The following GTF3C1 variants were observed in gnomAD, a reference collection of about 807,000 sequenced individuals.
GTF3C1 encodes the protein general transcription factor IIIC subunit 1.
In GTF3C1, 57 loss-of-function variants were observed where a neutral mutation model predicts 226.7. That is an observed-to-expected ratio of 0.25 (90% CI 0.20 to 0.31). The LOEUF is 0.31. Among genes scored for constraint, GTF3C1 ranks in the 10% least tolerant of loss-of-function variants. The probability of loss-of-function intolerance (pLI) is 1.00; values close to 1 mark genes in which losing one functional copy is unlikely to be tolerated. For missense variants in GTF3C1, 2,217 were observed against 2,776.1 expected (o/e 0.80, Z 4.53); for synonymous variants, 1,090 against 1,084.8 (o/e 1.00, Z -0.09).
At chr16:27,534,011 AAAAC>A (rs902786362) in intron 4 of GTF3C1, among the ~76,000 whole-genome samples, 8 of 152,190 alleles carry the variant, frequency 5.3e-5, no homozygotes, top group African/African-American at 1.9e-4. Flanking sequence ...ATCTCAAAGA[AAAAC>A]AAAAAACAGA....
At chr16:27,534,549 T>C (rs2141449049) in intron 4 of GTF3C1, among the ~76,000 whole-genome samples, 1 of 152,362 alleles carries the variant, frequency 6.6e-6, no homozygotes, top group South Asian at 2.1e-4. Context: ...AGCCATTTAA[T>C]ACAAGAGGCA....
intron 2 of GTF3C1, among the ~76,000 whole-genome samples, chr16:27,541,039 C>G (rs1443273788): frequency 6.6e-6 from 1 of 152,100 alleles, no homozygotes; most frequent in African/African-American, 2.4e-5. Flanking sequence ...TGGGGTTTTG[C>G]CATCTTGGCC....
intron 21 of GTF3C1, 59 bp from the exon 22 acceptor site, chr16:27,488,694 C>A: frequency 7.1e-7 from 1 of 1,405,754 alleles, no homozygotes; most frequent in Non-Finnish European, 1.0e-6. Context: ...CCCAGCCGCC[C>A]AGAGTAACAA....
Position 27,495,308 on chromosome 16 carries a change from G to A in GTF3C1, c.2535C>T (p.Ser845=), listed in dbSNP as rs143734304. The change falls in exon 15 of 37, where the codon TCC becomes TCT. Residue 845 remains serine (S), a synonymous_variant. Coordinates refer to ENST00000356183, the MANE Select transcript of GTF3C1 (RefSeq NM_001520.4). ...AGCAGGCCTCCCAGGCACTTCCAGA[G>A]GAGGACGGCCGGACGCCTGCCCTGC... ...ESGRAGVRPS[S]SGSAWEACSE... is the part of the protein sequence containing the mutation. 4 of 1,613,720 alleles carry A rather than the reference G, an allele frequency of 2.5e-6. No homozygotes were observed. Among genetic ancestry groups the A allele is most frequent in the Non-Finnish European group, 3.4e-6 (4 of 1,179,620 alleles).
intron 6 of GTF3C1, among the ~76,000 whole-genome samples, chr16:27,519,721 G>GA (rs549134035): frequency 5.9e-5 from 9 of 151,566 alleles, no homozygotes; most frequent in Non-Finnish European, 1.2e-4. Flanking sequence ...GCAAACAAAA[G>GA]AAAAAAGAGA....
chr16:27,465,028 T>A (rs2087764545), intron 33 of GTF3C1, among the ~76,000 whole-genome samples, 192 bp from the exon 34 acceptor site: 1 of 152,186 alleles, frequency 6.6e-6, no homozygotes, highest in Non-Finnish European at 1.5e-5. Context: ...CAGCATCTCT[T>A]TCTCTCTGGC....
intron 23 of GTF3C1, among the ~76,000 whole-genome samples, chr16:27,487,181 A>G (rs1016509685): frequency 1.2e-4 from 19 of 152,244 alleles, no homozygotes; most frequent in African/African-American, 4.6e-4. Context: ...CAGGTTTTTA[A>G]GCCAAATTGG....
In GTF3C1 at chr16:27,545,508, AT is replaced by A; in HGVS notation, c.236del (p.Asp79ValfsTer24). 6.2e-7 allele frequency: 1 copy of A among 1,602,922 alleles called. No homozygotes were observed. The highest frequency in any genetic ancestry group is 8.5e-7 in the Non-Finnish European group (1 of 1,169,882). On this transcript the variant is annotated frameshift_variant, in exon 2 of 37. Coordinates refer to ENST00000356183, the MANE Select transcript of GTF3C1 (RefSeq NM_001520.4). LOFTEE classifies it high-confidence loss of function. ...LQLQDRYEEI[D>X]LETGILESRR... ...TAGACTCCAAAATTCCAGTTTCCAA[AT>A]CAATTTCTTCATACCTAAGGAGAAA...
chr16:27,466,874 A>G (rs1481695722), intron 32 of GTF3C1, among the ~76,000 whole-genome samples: 1 of 152,240 alleles, frequency 6.6e-6, no homozygotes, highest in African/African-American at 2.4e-5. Context: ...GAAAGGCCCT[A>G]ACTCTCTTCA....
Position 27,545,552 on chromosome 16 carries a change from C to T in GTF3C1, c.222-29G>A, listed in dbSNP as rs76339734. 1.5e-3 allele frequency: 1,933 copies of T among 1,279,164 alleles called. 24 individuals are homozygous for T. In the African/African-American group the frequency reaches 0.025, roughly 16 times the overall value. The allele number at this position is 1,279,164 out of a possible 1,614,324, so 79.2% of individuals were successfully genotyped here. A position where few individuals can be genotyped will look rare whatever the true frequency, so the allele number is the denominator to read the frequency against. On this transcript the variant is annotated intron_variant, in intron 1 of 36. Coordinates refer to ENST00000356183, the MANE Select transcript of GTF3C1 (RefSeq NM_001520.4). ...AGGAGAAAAACACAAATATCAAAGC[C>T]CAACTCAGCTTCAGATATAATGTGT...
chr16:27,489,667 C>A lies in GTF3C1; in HGVS notation c.3228G>T (p.Lys1076Asn). 6.2e-7 allele frequency: 1 copy of A among 1,611,620 alleles called. No individual in the cohort carries two copies. The highest frequency in any genetic ancestry group is 8.5e-7 in the Non-Finnish European group (1 of 1,179,136). Reference sequence around the variant, plus strand: ...GCTTGTCCATGGCGCTCTCCTGCTCCTTCTGCAGGCTGCCCTCCTCGTCGC... The same window carrying A: ...GCTTGTCCATGGCGCTCTCCTGCTCATTCTGCAGGCTGCCCTCCTCGTCGC... ...QGSDEEGSLQ[K>N]EQESAMDKHN... The change falls in exon 20 of 37, where the codon AAG becomes AAT. Residue 1076 changes from lysine to asparagine, a missense_variant. Lys to Asn is a moderately conservative substitution (Grantham distance 94, BLOSUM62 0). Transcript: ENST00000356183.
rs1167472934 is a variant in GTF3C1 at position 27,489,629 on chromosome 16, C to T, written c.3266G>A (p.Arg1089His). The T allele has an allele frequency of 3.1e-6, 5 of 1,610,204 alleles. No homozygotes were observed. Among genetic ancestry groups the T allele is most frequent in the Admixed American group, 1.7e-5 (1 of 59,904 alleles). Residue 1089 changes from arginine (R) to histidine (H), a missense_variant, in exon 20 of 37, where the codon CGC becomes CAC. Physicochemically the swap from Arg to His is conservative, Grantham distance 29. This residue lies in a region of GTF3C1 where 353 missense variants were observed against 411.7 expected (regional missense o/e 0.86). Coordinates refer to ENST00000356183, the MANE Select transcript of GTF3C1 (RefSeq NM_001520.4). ...GGTGTACTCCAGCATGGCGCACTTGCGCTCCAGGTTGTGCTTGTCCATGGC... is the reference window on the plus strand; with the variant it reads ...GGTGTACTCCAGCATGGCGCACTTGTGCTCCAGGTTGTGCTTGTCCATGGC... Reference protein sequence around the residue: ...ESAMDKHNLERKCAMLEYTTG... With the variant: ...ESAMDKHNLEHKCAMLEYTTG...
chr16:27,468,508 A>C (rs914134154), intron 32 of GTF3C1, among the ~76,000 whole-genome samples: 1 of 152,108 alleles, frequency 6.6e-6, no homozygotes, highest in African/African-American at 2.4e-5. Context: ...GCTACTTAGG[A>C]GACTGAGACA....
chr16:27,537,088 C>T (rs1290589282), intron 4 of GTF3C1, among the ~76,000 whole-genome samples: 2 of 152,220 alleles, frequency 1.3e-5, no homozygotes, highest in Non-Finnish European at 1.5e-5. Context: ...ACATTGTTAT[C>T]GCTTAGCAGA....
Position 27,488,539 on chromosome 16 carries a change from TC to T in GTF3C1, c.3511+14del, listed in dbSNP as rs768004460. The T allele has an allele frequency of 2.5e-6, 4 of 1,608,662 alleles. No homozygotes were observed. In the East Asian group the frequency reaches 8.9e-5, roughly 36 times the overall value. On this transcript the variant is annotated intron_variant, in intron 22 of 36. Coordinates refer to ENST00000356183, the MANE Select transcript of GTF3C1 (RefSeq NM_001520.4). ...TACCATATTAACTTCTGGGGTGAAC[TC>T]CCAGCACACGTACCTCTGGCACTGA...
intron 5 of GTF3C1, among the ~76,000 whole-genome samples, chr16:27,530,888 C>CATCTCG (rs1208176012): frequency 4.6e-5 from 7 of 152,230 alleles, no homozygotes; most frequent in Non-Finnish European, 8.8e-5. Context: ...TCACTGGCTT[C>CATCTCG]ATCTCGAGAT....
rs1471757713 is a variant in GTF3C1, at chr16:27,506,988, C to T, written c.1411G>A (p.Glu471Lys). 5.0e-6 allele frequency: 8 copies of T among 1,613,706 alleles called. No individual in the cohort carries two copies. Among genetic ancestry groups the T allele is most frequent in the South Asian group, 3.3e-5 (3 of 91,046 alleles). Residue 471 changes from glutamate to lysine, a missense_variant, in exon 9 of 37, where the codon GAG (glutamate) becomes AAG (lysine). This residue lies in a region of GTF3C1 where 173 missense variants were observed against 207.2 expected (regional missense o/e 0.83). Transcript: ENST00000356183. The stretch of plus-strand genomic sequence containing the variant: ...TCCGACTCAGAGAGGAAGGTGTCCT[C>T]GCCTTCAGGCAGAAGCGACTCCTCC... ...MQEESLLPEG[E>K]DTFLSESDSE... is the part of the protein sequence containing the mutation.
chr16:27,504,642 G>A (rs561453925), intron 10 of GTF3C1, among the ~76,000 whole-genome samples: 2 of 152,310 alleles, frequency 1.3e-5, no homozygotes, highest in Middle Eastern at 3.4e-3. Flanking sequence ...GTGGCCAGGC[G>A]CAGTGGCTCA....
At chr16:27,493,971 A>G (rs1474070951) in intron 16 of GTF3C1, among the ~76,000 whole-genome samples, 1 of 152,164 alleles carries the variant, frequency 6.6e-6, no homozygotes, top group African/African-American at 2.4e-5. Flanking sequence ...ACCCGTGTAC[A>G]TACAAGTATG....
Sources: gnomAD v4.1 joint callset for allele counts (sites outside exome capture counted in the v4.1 genomes callset) on GRCh38, gnomAD v4.1.1 for gene constraint, gnomAD v4.1.1 regional missense constraint, MANE v1.5 for transcripts, NCBI Gene and HGNC (gene_info 2026-07-23, HGNC 2026-07-21) for gene names.